Variants in ARHGAP11B observed in about 807,000 individuals in gnomAD.
ARHGAP11B encodes inactive Rho GTPase-activating protein 11B.
In ARHGAP11B, 14 loss-of-function variants were observed where a neutral mutation model predicts 27.6. The observed-to-expected ratio is 0.51, with a 90% confidence interval of 0.34 to 0.79. The LOEUF is 0.79. Among genes scored for constraint, ARHGAP11B ranks in the 30% least tolerant of loss-of-function variants. ARHGAP11B has a pLI of 0.02. For missense variants in ARHGAP11B, 245 were observed against 320.1 expected, an observed-to-expected ratio of 0.77 and a Z score of 1.79; for synonymous variants, 82 against 114.1, an observed-to-expected ratio of 0.72 and a Z score of 1.80.
At chr15:30,646,530 A>G (rs1355175700) in intron 9 of ARHGAP11B, among the ~76,000 whole-genome samples, 1 of 151,928 alleles carries the variant, frequency 6.6e-6, no homozygotes, top group Non-Finnish European at 1.5e-5. Flanking sequence ...ATTTTATGTT[A>G]ACTTGTAAGA....
At chr15:30,628,045 A>G (rs1017481491) in intron 1 of ARHGAP11B, among the ~76,000 whole-genome samples, 8 of 150,184 alleles carry the variant, frequency 5.3e-5, no homozygotes, top group East Asian at 2.0e-4. Flanking sequence ...GAGTTTGTAT[A>G]TGGACTTTTT....
Position 30,629,791 on chromosome 15 carries a change from CA to C in ARHGAP11B, c.130-905del, listed in dbSNP as rs369131708. Among the ~76,000 whole-genome samples the C allele has an allele frequency of 2.5e-3, 376 of 151,926 alleles. 5 individuals are homozygous for C. Among genetic ancestry groups the C allele is most frequent in the African/African-American group, 8.5e-3 (354 of 41,454 alleles). On this transcript the variant is annotated intron_variant, in intron 1 of 10. Coordinates refer to ENST00000428041, the Ensembl canonical transcript of ARHGAP11B. ...CTTCTTGGTTGATAACTTGTGACATCAAAAAAAGTACTTCAGCATTCACAGA... is the reference window on the plus strand; with the variant it reads ...CTTCTTGGTTGATAACTTGTGACATCAAAAAAGTACTTCAGCATTCACAGA...
At chr15:30,633,553 A>G (rs1413031564) in exon 3 of ARHGAP11B, 2 of 1,613,338 alleles carry the variant, frequency 1.2e-6, no homozygotes, top group East Asian at 2.2e-5. Flanking sequence ...TTTTTCGGAA[A>G]TCAGGATCTG....
intron 7 of ARHGAP11B, among the ~76,000 whole-genome samples, chr15:30,641,037 T>C (rs984413309): frequency 1.3e-5 from 2 of 151,928 alleles, no homozygotes; most frequent in African/African-American, 4.8e-5. Context: ...ACTGATTCCT[T>C]CTTCTCCTCC....
At chr15:30,631,803 T>G (rs2140892629) in intron 2 of ARHGAP11B, among the ~76,000 whole-genome samples, 1 of 150,798 alleles carries the variant, frequency 6.6e-6, no homozygotes, top group East Asian at 2.0e-4. Flanking sequence ...TTTTTTTTTT[T>G]GAGACAGAGT....
intron 6 of ARHGAP11B, among the ~76,000 whole-genome samples, chr15:30,636,419 A>G (rs887174685): frequency 6.6e-6 from 1 of 152,066 alleles, no homozygotes; most frequent in Admixed American, 6.6e-5. Flanking sequence ...CTCCTTGATC[A>G]AGAAATCAGA....
Position 30,626,843 on chromosome 15 carries a change from A to G in ARHGAP11B, c.23A>G (p.Lys8Arg), listed in dbSNP as rs541252228. 9.4e-5 allele frequency: 152 copies of G among 1,613,598 alleles called. 4 individuals carry two copies. The highest frequency in any genetic ancestry group is 3.3e-4 in the Middle Eastern group (2 of 6,058). Residue 8 changes from lysine (K) to arginine (R), a missense_variant, in exon 1 of 11, where the codon AAG becomes AGG. Coordinates refer to ENST00000428041, the Ensembl canonical transcript of ARHGAP11B. Reference sequence around the variant, plus strand: ...GGAATGTGGGATCAGAGGCTGGTGAAGTTGGCCCTGTTGCAGCATCTGCGG... The same window carrying G: ...GGAATGTGGGATCAGAGGCTGGTGAGGTTGGCCCTGTTGCAGCATCTGCGG...
chr15:30,627,590 T>G (rs1349091730), intron 1 of ARHGAP11B, among the ~76,000 whole-genome samples: 1 of 151,990 alleles, frequency 6.6e-6, no homozygotes, highest in Non-Finnish European at 1.5e-5. Context: ...ATGAGTAAAT[T>G]GAGAAGCCAG....
At chr15:30,628,261 T>C (rs2140887974) in intron 1 of ARHGAP11B, among the ~76,000 whole-genome samples, 1 of 151,906 alleles carries the variant, frequency 6.6e-6, no homozygotes, top group South Asian at 2.1e-4. Context: ...TTTGTATTTT[T>C]TAGTAGAGAC....
chr15:30,629,587 G>A (rs2060231727), intron 1 of ARHGAP11B, among the ~76,000 whole-genome samples: 1 of 152,040 alleles, frequency 6.6e-6, no homozygotes, highest in Non-Finnish European at 1.5e-5. Flanking sequence ...GCCTTCAGGA[G>A]CCTACTCTCT....
intron 8 of ARHGAP11B, chr15:30,644,725 G>A (rs201768458): frequency 1.5e-5 from 22 of 1,439,246 alleles, no homozygotes; most frequent in Admixed American, 8.9e-5. Flanking sequence ...AGGACTTATC[G>A]AACATGTAGA....
chr15:30,644,394 TA>T (rs1403093290), intron 7 of ARHGAP11B, among the ~76,000 whole-genome samples: 4 of 152,046 alleles, frequency 2.6e-5, no homozygotes, highest in African/African-American at 9.7e-5. Flanking sequence ...TAAGCCAAGA[TA>T]GGGGTGAATT....
chr15:30,637,516 T>C (rs936706031), intron 6 of ARHGAP11B, among the ~76,000 whole-genome samples: 2 of 152,076 alleles, frequency 1.3e-5, no homozygotes, highest in African/African-American at 4.8e-5. Flanking sequence ...GGGCGGATCA[T>C]GAGGTCAGGA....
chr15:30,630,136 G>A (rs1429555202), intron 1 of ARHGAP11B, among the ~76,000 whole-genome samples: 3 of 152,112 alleles, frequency 2.0e-5, no homozygotes, highest in Admixed American at 6.5e-5. Context: ...CTTGCTTACC[G>A]CAGGGCATGG....
At chr15:30,628,501 CT>C (rs1402363733) in intron 1 of ARHGAP11B, among the ~76,000 whole-genome samples, 1 of 151,996 alleles carries the variant, frequency 6.6e-6, no homozygotes, top group Non-Finnish European at 1.5e-5. Flanking sequence ...TTTCCCTAAG[CT>C]TCAGTTTTAT....
chr15:30,628,164 T>A (rs1469387104), intron 1 of ARHGAP11B, among the ~76,000 whole-genome samples: 5 of 151,404 alleles, frequency 3.3e-5, no homozygotes, highest in African/African-American at 1.2e-4. Flanking sequence ...CACTGCAAGC[T>A]CCGCCTCCCG....
rs766143966 is a variant in ARHGAP11B at position 30,626,967 on chromosome 15, G to A, written c.129+18G>A. On this transcript the variant is annotated intron_variant, in intron 1 of 10. Coordinates refer to ENST00000428041, the Ensembl canonical transcript of ARHGAP11B. Reference sequence around the variant, plus strand: ...AAATAGGGGTAAGTTCTGTGAAAAGGGATTTAGGTTTAAAAGAAAGGGCAC... The same window carrying A: ...AAATAGGGGTAAGTTCTGTGAAAAGAGATTTAGGTTTAAAAGAAAGGGCAC... 187 of 1,611,320 alleles carry A rather than the reference G, an allele frequency of 1.2e-4. 3 individuals are homozygous for A. The highest frequency in any genetic ancestry group is 1.5e-4 in the Non-Finnish European group (180 of 1,179,002).
intron 7 of ARHGAP11B, among the ~76,000 whole-genome samples, chr15:30,639,306 T>A (rs2060301077): frequency 6.6e-6 from 1 of 151,546 alleles, no homozygotes; most frequent in Non-Finnish European, 1.5e-5. Flanking sequence ...AGTTTTTGTT[T>A]CAACTCCTTG....
At chr15:30,632,428 A>G (rs1361076844) in intron 2 of ARHGAP11B, among the ~76,000 whole-genome samples, 2 of 138,114 alleles carry the variant, frequency 1.4e-5, no homozygotes, top group African/African-American at 6.3e-5. Flanking sequence ...AAACTAAAAG[A>G]AAAAAAAAAA....
Sources: gnomAD v4.1 joint callset for allele counts (sites outside exome capture counted in the v4.1 genomes callset) on GRCh38, gnomAD v4.1.1 for gene constraint, MANE v1.5 for transcripts, NCBI Gene and HGNC (gene_info 2026-07-23, HGNC 2026-07-21) for gene names.